Variants in HYDIN observed in about 807,000 individuals in gnomAD.
The protein encoded by HYDIN is HYDIN axonemal central pair apparatus protein.
HYDIN carries 132 observed loss-of-function variants against 403.9 expected under a neutral mutation model. The observed-to-expected ratio is 0.33, with a 90% CI of 0.28 to 0.38. The LOEUF (loss-of-function observed/expected upper bound fraction) is 0.38, where lower values mean the gene tolerates loss of function less well. HYDIN is among the 10% of genes least tolerant of loss of function. The pLI is 1.00. For synonymous variants in HYDIN, 1,202 were observed against 1,891.7 expected (o/e 0.64, Z 9.46); for missense variants, 2,827 against 5,009.5 (o/e 0.56, Z 13.15).
chr16:70,872,385 T>C (rs1399902694), intron 64 of HYDIN, among the ~76,000 whole-genome samples: 1 of 141,882 alleles, frequency 7.0e-6, no homozygotes, highest in Non-Finnish European at 1.5e-5. Context: ...CATCCATCCA[T>C]CCATCCATCC....
intron 9 of HYDIN, among the ~76,000 whole-genome samples, chr16:71,118,555 A>T (rs956317893): frequency 2.0e-5 from 3 of 152,206 alleles, no homozygotes; most frequent in Non-Finnish European, 4.4e-5. Context: ...TTTTCTCTTC[A>T]TCCAGAACCT....
intron 1 of HYDIN, among the ~76,000 whole-genome samples, chr16:71,229,264 C>A (rs1465648686): frequency 6.6e-6 from 1 of 152,086 alleles, no homozygotes; most frequent in East Asian, 1.9e-4. Context: ...ATGTAACAAA[C>A]CTGCACGTTG....
At position 70,944,176 on chromosome 16, in the gene HYDIN, C is replaced by T. The variant is rs1050311526; in HGVS notation, c.6532-227G>A. On this transcript the variant is annotated intron_variant, in intron 41 of 85. Coordinates refer to ENST00000393567, the MANE Select transcript of HYDIN (RefSeq NM_001270974.2). The stretch of plus-strand genomic sequence containing the variant: ...TACGTTGTTTGTGTACTGAACTGCA[C>T]GCAGCTTTTCATTCATTCGATAATT... 4.6e-5 allele frequency among the ~76,000 whole-genome samples: 7 copies of T among 152,324 alleles called. No homozygotes were observed. The South Asian group carries it at 8.3e-4, about 18-fold the overall frequency.
chr16:70,888,278 T>G (rs574309362), intron 58 of HYDIN, among the ~76,000 whole-genome samples: 31 of 152,292 alleles, frequency 2.0e-4, no homozygotes, highest in Non-Finnish European at 4.1e-4. Context: ...GATTTTCAAC[T>G]GAAACCTGGA....
chr16:70,853,011 T>TAAA (rs77008189), intron 73 of HYDIN, among the ~76,000 whole-genome samples: 1 of 131,012 alleles, frequency 7.6e-6, no homozygotes. Flanking sequence ...CCATCTCTAC[T>TAAA]AAAAAAAAAA....
At position 71,227,465 on chromosome 16, in the gene HYDIN, A is replaced by C. The variant is rs147812162; in HGVS notation, c.-24+3097T>G. On this transcript the variant is annotated intron_variant, in intron 1 of 85. Coordinates refer to ENST00000393567, the MANE Select transcript of HYDIN (RefSeq NM_001270974.2). ...TAAGCTGATAAGCAACTTCAGCAAA[A>C]TCTCAGGATACAAAATCAATGTGCA... Among the ~76,000 whole-genome samples, 1,293 of 152,178 alleles carry C rather than the reference A, an allele frequency of 8.5e-3. 17 individuals are homozygous for C. The highest frequency in any genetic ancestry group is 0.03 in the African/African-American group (1,227 of 41,528).
chr16:71,038,663 TA>T (rs1401884145), intron 18 of HYDIN, among the ~76,000 whole-genome samples: 3 of 152,206 alleles, frequency 2.0e-5, no homozygotes, highest in Non-Finnish European at 4.4e-5. Flanking sequence ...TCTCTTTTTT[TA>T]AAAAAATTTC....
rs2078707533 is a variant in HYDIN at position 70,970,702 on chromosome 16, G to A, written c.5437C>T (p.Leu1813Phe). 1 of 1,538,514 alleles carries A rather than the reference G, an allele frequency of 6.5e-7. No homozygotes were observed. Among genetic ancestry groups the A allele is most frequent in the Non-Finnish European group, 8.9e-7 (1 of 1,120,212 alleles). The change falls in exon 36 of 86, where the codon CTC becomes TTC. Residue 1813 changes from leucine to phenylalanine, a missense_variant. Coordinates refer to ENST00000393567, the MANE Select transcript of HYDIN (RefSeq NM_001270974.2). ...QIAQSAQKLT[L>F]LARGQGLEPR... ...TCTAGACCTTGCCCACGTGCCAGGA[G>A]GGTAAGCTTTTGAGCACTCTGGGCA...
At chr16:71,224,992 A>T (rs1209585579) in intron 1 of HYDIN, among the ~76,000 whole-genome samples, 2 of 152,238 alleles carry the variant, frequency 1.3e-5, no homozygotes, top group Non-Finnish European at 2.9e-5. Flanking sequence ...ACAGGGAGAC[A>T]ATCCAGCTTG....
chr16:71,026,189 C>T (rs1986046), intron 20 of HYDIN, among the ~76,000 whole-genome samples: 2 of 152,406 alleles, frequency 1.3e-5, no homozygotes, highest in Non-Finnish European at 2.9e-5. Context: ...CGTGAGCCAC[C>T]GTGCCCGGCC....
At chr16:71,027,425 T>G (rs965654819) in intron 20 of HYDIN, 177 bp downstream of exon 20, 37 of 1,482,128 alleles carry the variant, frequency 2.5e-5, no homozygotes, top group Admixed American at 2.6e-5. Context: ...AATTGAAGAC[T>G]GAGCAGAGCT....
chr16:71,096,392 T>C (rs2083279110), intron 10 of HYDIN, among the ~76,000 whole-genome samples: 2 of 152,264 alleles, frequency 1.3e-5, no homozygotes, highest in Admixed American at 6.5e-5. Context: ...AATATGTGAA[T>C]AATTGTCTTT....
intron 23 of HYDIN, among the ~76,000 whole-genome samples, chr16:71,016,348 G>A (rs1240825315): frequency 6.6e-6 from 1 of 151,820 alleles, no homozygotes; most frequent in Non-Finnish European, 1.5e-5. Flanking sequence ...ATCTACAAAT[G>A]ACAACAGGTA....
At chr16:71,109,493 A>G (rs1404709949) in intron 10 of HYDIN, among the ~76,000 whole-genome samples, 1 of 134,552 alleles carries the variant, frequency 7.4e-6, no homozygotes, top group Non-Finnish European at 1.5e-5. Flanking sequence ...TATCTGTCTA[A>G]CAAGTATTTC....
intron 18 of HYDIN, among the ~76,000 whole-genome samples, chr16:71,042,768 G>C (rs1169836556): frequency 6.6e-6 from 1 of 152,104 alleles, no homozygotes; most frequent in Non-Finnish European, 1.5e-5. Context: ...TTCTACACAG[G>C]TTCCATCTTC....
chr16:71,171,581 A>G (rs1305695582), intron 5 of HYDIN, among the ~76,000 whole-genome samples: 5 of 152,302 alleles, frequency 3.3e-5, no homozygotes, highest in African/African-American at 1.2e-4. Flanking sequence ...GAAATTTCCT[A>G]AAATCCTTGT....
intron 62 of HYDIN, among the ~76,000 whole-genome samples, chr16:70,877,722 G>C (rs2040534264): frequency 6.6e-6 from 1 of 152,132 alleles, no homozygotes; most frequent in African/African-American, 2.4e-5. Context: ...ATGGGGTGTG[G>C]CTGTAAATAC....
intron 3 of HYDIN, 39 bp downstream of exon 3, chr16:71,184,826 G>C (rs1306115779): frequency 1.1e-5 from 17 of 1,526,788 alleles, no homozygotes; most frequent in South Asian, 1.3e-5. Context: ...TGTTGTGCCA[G>C]GGCCCACTTT....
chr16:71,037,035 C>A (rs937847929), intron 18 of HYDIN, among the ~76,000 whole-genome samples: 2 of 150,442 alleles, frequency 1.3e-5, no homozygotes, highest in African/African-American at 2.4e-5. Flanking sequence ...GGAGGGAGGG[C>A]GCTGAAGGAA....
Sources: gnomAD v4.1 joint callset for allele counts (sites outside exome capture counted in the v4.1 genomes callset) on GRCh38, gnomAD v4.1.1 for gene constraint, MANE v1.5 for transcripts, NCBI Gene and HGNC (gene_info 2026-07-23, HGNC 2026-07-21) for gene names.